BBS9: variants seen among roughly 807,000 people sequenced by gnomAD.
BBS9 encodes Bardet-Biedl syndrome 9.
BBS9 carries 89 observed loss-of-function variants against 117.7 expected under a neutral mutation model. The observed-to-expected ratio is 0.76, with a 90% CI of 0.64 to 0.90. The LOEUF is 0.90. Among genes scored for constraint, BBS9 ranks in the 40% least tolerant of loss-of-function variants. BBS9 has a pLI of 0.00. For synonymous variants in BBS9, 379 were observed against 370.9 expected (o/e 1.02, Z -0.25); for missense variants, 982 against 1,042.2 (o/e 0.94, Z 0.80).
intron 19 of BBS9, among the ~76,000 whole-genome samples, chr7:33,391,108 G>A (rs922124478): frequency 2.0e-5 from 3 of 152,036 alleles, no homozygotes; most frequent in Admixed American, 6.6e-5. Context: ...TCCTGGGATC[G>A]AACAAGCATA....
chr7:33,386,605 C>G (rs939397832), intron 18 of BBS9, among the ~76,000 whole-genome samples: 2 of 152,018 alleles, frequency 1.3e-5, no homozygotes, highest in Non-Finnish European at 2.9e-5. Context: ...ATTCTCCTGC[C>G]TCAGCCTCCT....
At chr7:33,597,536 A>G (rs900862711) in intron 21 of BBS9, among the ~76,000 whole-genome samples, 3 of 152,210 alleles carry the variant, frequency 2.0e-5, no homozygotes, top group African/African-American at 7.2e-5. Flanking sequence ...TACAAAGGTC[A>G]CTATTGCAAG....
chr7:33,352,892 T>A lies in BBS9; in HGVS notation c.1552+19T>A. On this transcript the variant is annotated intron_variant, in intron 15 of 22. Transcript: ENST00000242067. ...CCTGATGGTAAGTGTAAAGATAATT[T>A]AGAAAAAAATGAATTTCAGAACTGA... 1 of 1,607,232 alleles carries A rather than the reference T, an allele frequency of 6.2e-7. No homozygotes were observed. The highest frequency in any genetic ancestry group is 8.5e-7 in the Non-Finnish European group (1 of 1,174,060).
At chr7:33,453,192 C>T (rs1485072339) in intron 19 of BBS9, among the ~76,000 whole-genome samples, 1 of 152,072 alleles carries the variant, frequency 6.6e-6, no homozygotes, top group Non-Finnish European at 1.5e-5. Context: ...TCTTTTTGCT[C>T]TTTGCATGGT....
intron 5 of BBS9, among the ~76,000 whole-genome samples, chr7:33,222,217 A>G (rs1334526734): frequency 6.6e-6 from 1 of 152,186 alleles, no homozygotes; most frequent in Non-Finnish European, 1.5e-5. Context: ...GATAGATGTT[A>G]TATGCGGTTA....
At chr7:33,468,543 T>A (rs1366685175) in intron 19 of BBS9, among the ~76,000 whole-genome samples, 3 of 152,166 alleles carry the variant, frequency 2.0e-5, no homozygotes, top group Non-Finnish European at 4.4e-5. Context: ...TTTGAAATCT[T>A]CTAGCTATCT....
intron 18 of BBS9, among the ~76,000 whole-genome samples, chr7:33,384,271 CA>C (rs1204231658): frequency 6.6e-6 from 1 of 152,208 alleles, no homozygotes; most frequent in Non-Finnish European, 1.5e-5. Context: ...TGAGGGTTAA[CA>C]CTTAAAATAT....
At chr7:33,505,816 C>T (rs1846077064) in intron 20 of BBS9, 171 bp downstream of exon 20, 3 of 711,352 alleles carry the variant, frequency 4.2e-6, no homozygotes, top group Non-Finnish European at 6.9e-6. Flanking sequence ...AAACAAAGGC[C>T]TTTTTCTGTA....
intron 9 of BBS9, among the ~76,000 whole-genome samples, chr7:33,295,096 G>A (rs954059364): frequency 6.6e-6 from 1 of 152,056 alleles, no homozygotes; most frequent in African/African-American, 2.4e-5. Flanking sequence ...TAGACTAAAG[G>A]ATATACAGAG....
chr7:33,398,167 A>C (rs1240320995), intron 19 of BBS9, among the ~76,000 whole-genome samples: 1 of 152,120 alleles, frequency 6.6e-6, no homozygotes, highest in Admixed American at 6.5e-5. Context: ...TGAAATGTGA[A>C]TTTTATGTTA....
chr7:33,307,553 T>C (rs1188788782), intron 9 of BBS9, among the ~76,000 whole-genome samples: 2 of 152,140 alleles, frequency 1.3e-5, no homozygotes, highest in Non-Finnish European at 2.9e-5. Context: ...CAGGAATTCC[T>C]GCAGATCCAA....
chr7:33,324,993 C>T (rs1440118157), intron 9 of BBS9, among the ~76,000 whole-genome samples: 4 of 152,114 alleles, frequency 2.6e-5, no homozygotes, highest in Non-Finnish European at 5.9e-5. Flanking sequence ...TCTGTAACCT[C>T]CTTGTACTTG....
At chr7:33,540,477 T>C (rs542844800) in intron 21 of BBS9, among the ~76,000 whole-genome samples, 44 of 152,202 alleles carry the variant, frequency 2.9e-4, no homozygotes, top group Non-Finnish European at 4.6e-4. Flanking sequence ...GTATTAATGA[T>C]AACTATCCCT....
intron 5 of BBS9, among the ~76,000 whole-genome samples, chr7:33,241,975 A>T (rs1794601869): frequency 6.6e-6 from 1 of 152,122 alleles, no homozygotes; most frequent in South Asian, 2.1e-4. Context: ...TGTGTATTGT[A>T]ACTTTGACTT....
chr7:33,518,291 G>T (rs78323097), intron 20 of BBS9, among the ~76,000 whole-genome samples: 1 of 125,234 alleles, frequency 8.0e-6, no homozygotes, highest in African/African-American at 3.1e-5. Flanking sequence ...CCACCCTGTC[G>T]CCAGGCTGGA....
At chr7:33,157,195 C>T (rs922221370) in intron 4 of BBS9, among the ~76,000 whole-genome samples, 5 of 152,118 alleles carry the variant, frequency 3.3e-5, no homozygotes, top group African/African-American at 1.2e-4. Context: ...AAGACAGATG[C>T]CTCTGGAGTT....
intron 19 of BBS9, among the ~76,000 whole-genome samples, chr7:33,465,847 A>ATAGTTG (rs1840082623): frequency 6.6e-6 from 1 of 152,148 alleles, no homozygotes; most frequent in South Asian, 2.1e-4. Flanking sequence ...CTGACAGTTA[A>ATAGTTG]CTGGACTATT....
chr7:33,495,786 G>A (rs1844623885), intron 19 of BBS9, among the ~76,000 whole-genome samples: 4 of 152,290 alleles, frequency 2.6e-5, no homozygotes, highest in Admixed American at 2.0e-4. Context: ...AAGCATTGGA[G>A]TTCGTTTCCT....
intron 19 of BBS9, among the ~76,000 whole-genome samples, chr7:33,404,034 T>G (rs1829453330): frequency 6.6e-6 from 1 of 152,158 alleles, no homozygotes; most frequent in African/African-American, 2.4e-5. Flanking sequence ...GGTATCTCAT[T>G]GTGGTTTTGT....
Sources: allele counts gnomAD v4.1 joint callset (sites outside exome capture counted in the v4.1 genomes callset), GRCh38; gene constraint gnomAD v4.1.1; transcripts MANE v1.5; gene names NCBI Gene and HGNC (gene_info 2026-07-23, HGNC 2026-07-21).